SLC6A11: variants seen among roughly 807,000 people sequenced by gnomAD.
SLC6A11 encodes solute carrier family 6 member 11.
Under a neutral mutation model 74.8 loss-of-function variants are expected in SLC6A11, and 25 were observed. The ratio of observed to expected loss-of-function variants is 0.33; its 90% CI spans 0.24 to 0.47. The LOEUF (loss-of-function observed/expected upper bound fraction) is 0.47, where lower values mean the gene tolerates loss of function less well. SLC6A11 is among the 20% of genes least tolerant of loss of function. The pLI, the probability that SLC6A11 is intolerant of heterozygous loss-of-function variation, is 1.00. For missense variants in SLC6A11, 574 were observed against 837.0 expected (o/e 0.69, Z 3.88); for synonymous variants, 330 against 330.2 (o/e 1.00, Z 0.01).
chr3:10,869,769 T>C (rs1435596833), intron 5 of SLC6A11, among the ~76,000 whole-genome samples: 2 of 152,166 alleles, frequency 1.3e-5, no homozygotes, highest in East Asian at 3.9e-4. Flanking sequence ...GGAAGAGACA[T>C]GCAGGATTAT....
At chr3:10,886,182 C>T (rs1050785771) in intron 6 of SLC6A11, among the ~76,000 whole-genome samples, 3 of 152,328 alleles carry the variant, frequency 2.0e-5, no homozygotes, top group Non-Finnish European at 4.4e-5. Flanking sequence ...ATTTTGTCTG[C>T]TTTAATAGTT....
intron 6 of SLC6A11, among the ~76,000 whole-genome samples, chr3:10,878,480 A>C (rs2655274): frequency 0.51 from 74,621 of 147,100 alleles, 19,341 homozygotes; most frequent in East Asian, 0.73. Flanking sequence ...TCTCGGCTCA[A>C]TGCAACCTCC....
At chr3:10,885,521 G>A (rs1434140167) in intron 6 of SLC6A11, among the ~76,000 whole-genome samples, 1 of 151,858 alleles carries the variant, frequency 6.6e-6, no homozygotes, top group Non-Finnish European at 1.5e-5. Context: ...TACAATTAGG[G>A]GATGTTACCA....
intron 7 of SLC6A11, among the ~76,000 whole-genome samples, chr3:10,912,866 G>A (rs560676258): frequency 2.6e-5 from 4 of 152,030 alleles, no homozygotes; most frequent in African/African-American, 4.8e-5. Context: ...TTGAGGTTTC[G>A]GTCCACTGGG....
Position 10,909,083 on chromosome 3 carries a change from A to G in SLC6A11, c.892-3007A>G, listed in dbSNP as rs557343046. On this transcript the variant is annotated intron_variant, in intron 6 of 13. Coordinates refer to ENST00000254488, the MANE Select transcript of SLC6A11 (RefSeq NM_014229.3). ...TTCCTTCATGGCCAGTGATGCCCCC[A>G]GCAGTTACAAGCTTAACATCCCCAG... Among the ~76,000 whole-genome samples the G allele has an allele frequency of 2.3e-3, 343 of 148,028 alleles. 10 individuals are homozygous for G. Among genetic ancestry groups the G allele is most frequent in the Non-Finnish European group, 3.9e-4 (26 of 67,374 alleles).
At chr3:10,912,584 T>C (rs1695401568) in intron 7 of SLC6A11, among the ~76,000 whole-genome samples, 1 of 152,260 alleles carries the variant, frequency 6.6e-6, no homozygotes, top group African/African-American at 2.4e-5. Flanking sequence ...CGTACTTGAC[T>C]GTAGGGTCAT....
At chr3:10,864,099 C>G (rs1341045208) in intron 5 of SLC6A11, among the ~76,000 whole-genome samples, 2 of 151,910 alleles carry the variant, frequency 1.3e-5, no homozygotes, top group South Asian at 2.1e-4. Context: ...CCATTTCTCC[C>G]AAGTGAAGCA....
intron 11 of SLC6A11, among the ~76,000 whole-genome samples, chr3:10,933,623 T>TC (rs1695719989): frequency 6.6e-6 from 1 of 152,142 alleles, no homozygotes; most frequent in Non-Finnish European, 1.5e-5. Flanking sequence ...GTCCTCCTGC[T>TC]CCCCAAGCCC....
chr3:10,937,968 C>A (rs866075647), intron 13 of SLC6A11, among the ~76,000 whole-genome samples: 1 of 152,194 alleles, frequency 6.6e-6, no homozygotes, highest in Non-Finnish European at 1.5e-5. Flanking sequence ...CCTTTCCTAG[C>A]CAGGTGCGAG....
At position 10,939,559 on chromosome 3, in the gene SLC6A11, CTT is replaced by C. The variant is rs1294914547; in HGVS notation, c.*1158_*1159del. 1 of 152,626 alleles carries C rather than the reference CTT, an allele frequency of 6.6e-6. No individual in the cohort carries two copies. The highest frequency in any genetic ancestry group is 2.4e-5 in the African/African-American group (1 of 41,466). The allele number at this position is 152,626 out of a possible 1,614,324, so 9.5% of individuals were successfully genotyped here. The stretch of plus-strand genomic sequence containing the variant: ...GGCCCTTCTCTGTCCCAGGCCACCT[CTT>C]CTCCCTCCTCCTGTCCCCTAACCTC... On this transcript the variant is annotated 3_prime_UTR_variant, in exon 14 of 14. Transcript: ENST00000254488.
chr3:10,862,877 A>G (rs946233277), intron 5 of SLC6A11, among the ~76,000 whole-genome samples: 2 of 152,234 alleles, frequency 1.3e-5, no homozygotes, highest in Non-Finnish European at 2.9e-5. Flanking sequence ...ATTCATCAGC[A>G]TGCTCTCAGA....
chr3:10,885,231 G>A (rs777708223), intron 6 of SLC6A11, among the ~76,000 whole-genome samples: 19 of 151,998 alleles, frequency 1.3e-4, no homozygotes, highest in Admixed American at 2.6e-4. Context: ...TTTATACTAC[G>A]TAGTTGAATT....
At chr3:10,928,567 A>T (rs1695641250) in intron 9 of SLC6A11, among the ~76,000 whole-genome samples, 1 of 152,146 alleles carries the variant, frequency 6.6e-6, no homozygotes, top group African/African-American at 2.4e-5. Context: ...CGGGATACAG[A>T]TGCTTAGTGG....
At chr3:10,841,438 T>C (rs1379854628) in intron 4 of SLC6A11, among the ~76,000 whole-genome samples, 1 of 152,214 alleles carries the variant, frequency 6.6e-6, no homozygotes, top group Non-Finnish European at 1.5e-5. Context: ...ATCTGGCCCC[T>C]GAGCCCCCTT....
Position 10,938,316 on chromosome 3 carries a change from C to T in SLC6A11, c.1813C>T (p.Arg605Trp), listed in dbSNP as rs752171053. 8.1e-6 allele frequency: 13 copies of T among 1,613,058 alleles called. No homozygotes were observed. The Middle Eastern group carries it at 9.9e-4, about 123-fold the overall frequency. ...GCGGGGCAAGCTTGGGGTGAGCCCA[C>T]GGATGGTGACAGTTAATGACTGTGA... ...KMRGKLGVSP[R>W]MVTVNDCDAK... Residue 605 changes from arginine to tryptophan, a missense_variant, in exon 14 of 14, where the codon CGG (arginine) becomes TGG (tryptophan). This residue lies in a region of SLC6A11 where 257 missense variants were observed against 341.5 expected (regional missense o/e 0.75). Transcript: ENST00000254488.
chr3:10,881,168 C>A (rs1486244081), intron 6 of SLC6A11, among the ~76,000 whole-genome samples: 1 of 152,130 alleles, frequency 6.6e-6, no homozygotes, highest in Non-Finnish European at 1.5e-5. Context: ...GTAATCCCAG[C>A]ACTTTGGGAG....
chr3:10,934,806 G>A (rs887551122), intron 12 of SLC6A11, among the ~76,000 whole-genome samples: 2 of 152,192 alleles, frequency 1.3e-5, no homozygotes, highest in Non-Finnish European at 2.9e-5. Flanking sequence ...CAGAACCCAG[G>A]GCCACGTTCC....
intron 4 of SLC6A11, among the ~76,000 whole-genome samples, chr3:10,835,553 A>G (rs1694355985): frequency 6.6e-6 from 1 of 152,116 alleles, no homozygotes; most frequent in African/African-American, 2.4e-5. Flanking sequence ...CCCCACTTTT[A>G]GATTCACTCT....
chr3:10,894,086 C>T (rs566020794), intron 6 of SLC6A11, among the ~76,000 whole-genome samples: 8 of 152,304 alleles, frequency 5.3e-5, no homozygotes, highest in African/African-American at 1.9e-4. Flanking sequence ...TGCCATCTCC[C>T]ATTAGTCCAC....
Sources: gnomAD v4.1 joint callset for allele counts (sites outside exome capture counted in the v4.1 genomes callset) on GRCh38, gnomAD v4.1.1 for gene constraint, gnomAD v4.1.1 regional missense constraint, MANE v1.5 for transcripts, NCBI Gene and HGNC (gene_info 2026-07-23, HGNC 2026-07-21) for gene names.